TACR3: variants seen among roughly 807,000 people sequenced by gnomAD.
TACR3 encodes tachykinin receptor 3.
Under a neutral mutation model 35.0 loss-of-function variants are expected in TACR3, and 34 were observed. That is an observed-to-expected ratio of 0.97 (90% CI 0.74 to 1.30). The LOEUF is 1.30. Among genes scored for constraint, TACR3 ranks in the 50% most tolerant of loss-of-function variants. The probability of loss-of-function intolerance (pLI) is 0.00; values close to 1 mark genes in which losing one functional copy is unlikely to be tolerated. For missense variants in TACR3, 558 were observed against 591.7 expected (o/e 0.94, Z 0.59); for synonymous variants, 233 against 221.1 (o/e 1.05, Z -0.48).
chr4:103,629,880 ACAACAACAAC>A (rs1560814123), intron 3 of TACR3, among the ~76,000 whole-genome samples: 14 of 130,600 alleles, frequency 1.1e-4, no homozygotes, highest in South Asian at 2.3e-4. Flanking sequence ...AACAAAAAAA[ACAACAACAAC>A]AACAAAAAAA....
At chr4:103,672,791 C>A (rs572147314) in intron 1 of TACR3, among the ~76,000 whole-genome samples, 3 of 152,196 alleles carry the variant, frequency 2.0e-5, no homozygotes, top group Non-Finnish European at 4.4e-5. Context: ...TCCTCTCTAG[C>A]TATGAAAGTC....
Position 103,658,307 on chromosome 4 carries a change from G to A in TACR3, c.645C>T (p.Ala215=). 2.5e-6 allele frequency: 4 copies of A among 1,613,992 alleles called. No homozygotes were observed. Among genetic ancestry groups the A allele is most frequent in the Non-Finnish European group, 1.7e-6 (2 of 1,179,938 alleles). ...TTTTGGAATAAAGACACTGAGGGAA[G>A]GCAAGTAGAAATGCTAGAATCCAAA... ...GSIWILAFLL[A]FPQCLYSKTK... is the part of the protein sequence containing the mutation. The change falls in exon 2 of 5, where the codon GCC becomes GCT. Residue 215 remains alanine, a synonymous_variant. Coordinates refer to ENST00000304883, the MANE Select transcript of TACR3 (RefSeq NM_001059.3).
chr4:103,697,004 C>A (rs1023388627), intron 1 of TACR3, among the ~76,000 whole-genome samples: 1 of 152,138 alleles, frequency 6.6e-6, no homozygotes, highest in Non-Finnish European at 1.5e-5. Flanking sequence ...ACCTTAAACT[C>A]CTAGTCTCAG....
At chr4:103,606,028 C>A (rs1724353464) in intron 3 of TACR3, among the ~76,000 whole-genome samples, 1 of 151,974 alleles carries the variant, frequency 6.6e-6, no homozygotes, top group Middle Eastern at 3.4e-3. Context: ...GATCCAGTTT[C>A]AGCTTTCTAC....
chr4:103,607,378 A>C (rs1245265208), intron 3 of TACR3, among the ~76,000 whole-genome samples: 1 of 152,110 alleles, frequency 6.6e-6, no homozygotes, highest in African/African-American at 2.4e-5. Context: ...TTTGAATTGC[A>C]GGAAGCATTA....
intron 3 of TACR3, among the ~76,000 whole-genome samples, chr4:103,629,677 G>A (rs1411659687): frequency 6.6e-6 from 1 of 151,716 alleles, no homozygotes; most frequent in South Asian, 2.1e-4. Context: ...CATGCTCATG[G>A]GTAGGAAGAA....
rs200336591 is a variant in TACR3 at position 103,611,656 on chromosome 4, T to C, written c.889-19973A>G. Among the ~76,000 whole-genome samples the C allele has an allele frequency of 6.2e-3, 945 of 151,874 alleles. 12 individuals carry two copies. Among genetic ancestry groups the C allele is most frequent in the African/African-American group, 0.021 (873 of 41,474 alleles). Reference sequence around the variant, plus strand: ...ACTGTCTAGTAGACAAGCATTTCCTTTTTTTTAACACAGACATGGCATCAA... The same window carrying C: ...ACTGTCTAGTAGACAAGCATTTCCTCTTTTTTAACACAGACATGGCATCAA... On this transcript the variant is annotated intron_variant, in intron 3 of 4. Coordinates refer to ENST00000304883, the MANE Select transcript of TACR3 (RefSeq NM_001059.3).
intron 3 of TACR3, among the ~76,000 whole-genome samples, chr4:103,609,051 T>C (rs1047677914): frequency 1.3e-5 from 2 of 152,112 alleles, no homozygotes; most frequent in Non-Finnish European, 2.9e-5. Context: ...ATATTTCATA[T>C]AAAATTGAAA....
intron 3 of TACR3, among the ~76,000 whole-genome samples, chr4:103,638,400 A>T (rs906015959): frequency 4.6e-5 from 7 of 152,002 alleles, no homozygotes; most frequent in African/African-American, 1.7e-4. Context: ...TAGAAAGCTG[A>T]AACTGGATCC....
intron 1 of TACR3, among the ~76,000 whole-genome samples, chr4:103,689,548 CAACAAT>C (rs1218300640): frequency 6.6e-6 from 1 of 151,918 alleles, no homozygotes; most frequent in East Asian, 1.9e-4. Context: ...ACAACAACAA[CAACAAT>C]AAAACCTCTA....
At chr4:103,649,744 G>A (rs1725539591) in intron 3 of TACR3, among the ~76,000 whole-genome samples, 1 of 151,990 alleles carries the variant, frequency 6.6e-6, no homozygotes, top group African/African-American at 2.4e-5. Flanking sequence ...TGAATTCCTT[G>A]TGTTCTCTTG....
chr4:103,705,668 T>C (rs866474213), intron 1 of TACR3, among the ~76,000 whole-genome samples: 4 of 152,170 alleles, frequency 2.6e-5, no homozygotes, highest in African/African-American at 7.2e-5. Context: ...TCTGTAAAAG[T>C]GACGTTTGAA....
At chr4:103,628,369 A>T (rs924710608) in intron 3 of TACR3, among the ~76,000 whole-genome samples, 4 of 150,324 alleles carry the variant, frequency 2.7e-5, no homozygotes, top group Admixed American at 6.6e-5. Context: ...TGGTTTTTTG[A>T]AAAGATCAAC....
intron 3 of TACR3, among the ~76,000 whole-genome samples, chr4:103,638,538 T>C (rs1725254169): frequency 6.6e-6 from 1 of 152,032 alleles, no homozygotes. Flanking sequence ...GGGCAAGGAC[T>C]TCATGTCTAA....
chr4:103,635,947 AAC>A (rs952395411), intron 3 of TACR3, among the ~76,000 whole-genome samples: 2 of 151,506 alleles, frequency 1.3e-5, no homozygotes, highest in African/African-American at 2.4e-5. Context: ...TCTCCTTTCT[AAC>A]ACAGTCTCTC....
intron 1 of TACR3, among the ~76,000 whole-genome samples, chr4:103,675,691 A>T (rs1726155252): frequency 6.6e-6 from 1 of 152,114 alleles, no homozygotes; most frequent in Admixed American, 6.5e-5. Context: ...GGCTTAGCCA[A>T]TTTGCAGCAC....
In TACR3 at chr4:103,587,429, C is replaced by A. The variant is rs1023502210; in HGVS notation, c.*2253G>T. On this transcript the variant is annotated 3_prime_UTR_variant, in exon 5 of 5. Transcript: ENST00000304883. Reference sequence around the variant, plus strand: ...TAGAAGGGAGGTGCTCGGTAAGCAACACAACAATATGTATGTTCACAGAAG... The same window carrying A: ...TAGAAGGGAGGTGCTCGGTAAGCAAAACAACAATATGTATGTTCACAGAAG... 2.6e-5 allele frequency: 4 copies of A among 152,006 alleles called. No homozygotes were observed. The highest frequency in any genetic ancestry group is 5.9e-5 in the Non-Finnish European group (4 of 67,972). 9.4% of individuals were successfully genotyped at this position (152,006 alleles called of 1,614,324 possible). A position where few individuals can be genotyped will look rare whatever the true frequency, so the allele number is the denominator to read the frequency against.
chr4:103,590,295 G>A (rs1723865486), intron 4 of TACR3, among the ~76,000 whole-genome samples: 1 of 152,056 alleles, frequency 6.6e-6, no homozygotes, highest in Non-Finnish European at 1.5e-5. Context: ...ATATGTTAAA[G>A]AAACAGTACA....
At chr4:103,593,926 C>T (rs57391574) in intron 3 of TACR3, among the ~76,000 whole-genome samples, 1,909 of 152,136 alleles carry the variant, frequency 0.013, 46 homozygotes, top group African/African-American at 0.044. Context: ...TTGTATATTT[C>T]GGGCACCTAG....
Sources: allele counts gnomAD v4.1 joint callset (sites outside exome capture counted in the v4.1 genomes callset), GRCh38; gene constraint gnomAD v4.1.1; transcripts MANE v1.5; gene names NCBI Gene and HGNC (gene_info 2026-07-23, HGNC 2026-07-21).